The following DDX5 variants were observed in gnomAD, a reference collection of about 807,000 sequenced individuals.
DDX5 encodes probable ATP-dependent RNA helicase DDX5.
In DDX5, 6 loss-of-function variants were observed where a neutral mutation model predicts 68.6. That is an observed-to-expected ratio of 0.09 (90% CI 0.05 to 0.17). The LOEUF (loss-of-function observed/expected upper bound fraction) is 0.17. Ranked by LOEUF, DDX5 falls within the 10% of genes least tolerant of loss-of-function variation. The pLI, the probability that DDX5 is intolerant of heterozygous loss-of-function variation, is 1.00. For missense variants in DDX5, 499 were observed against 756.1 expected (o/e 0.66, Z 3.99); for synonymous variants, 350 against 247.0 (o/e 1.42, Z -3.91).
At position 64,506,269 on chromosome 17, in the gene DDX5, A is replaced by T; in HGVS notation, c.-150T>A. The T allele has an allele frequency of 3.3e-6, 5 of 1,538,380 alleles. No homozygotes were observed. The highest frequency in any genetic ancestry group is 4.4e-6 in the Non-Finnish European group (5 of 1,142,338). Reference sequence around the variant, plus strand: ...ACCAGCCGAAGCTGCACTACTAGAGACCGGTAGAAATGAATGAGGTGCCGG... The same window carrying T: ...ACCAGCCGAAGCTGCACTACTAGAGTCCGGTAGAAATGAATGAGGTGCCGG... On this transcript the variant is annotated 5_prime_UTR_variant, in exon 1 of 13. Transcript: ENST00000225792.
At chr17:64,506,307 A>C (rs2038520071), upstream of DDX5, 3 of 1,511,712 alleles carry the variant, frequency 2.0e-6, no homozygotes, top group Non-Finnish European at 1.8e-6. Context: ...GCTTTCCGGC[A>C]GCCGCTTTTA....
In DDX5 at chr17:64,503,842, G is replaced by T. The variant is rs782699557; in HGVS notation, c.468C>A (p.Ile156=). The T allele has an allele frequency of 4.0e-5, 64 of 1,614,226 alleles. No individual in the cohort carries two copies. Among genetic ancestry groups the T allele is most frequent in the Non-Finnish European group, 5.3e-5 (63 of 1,180,042 alleles). Residue 156 remains isoleucine, a synonymous_variant, in exon 5 of 13, where the codon ATC becomes ATA. Transcript: ENST00000225792. ...CTCTCTCTAGGAATGGCTGATGATT[G>T]ATGTGGACAATGGCAGGAAGCAAAT... ...LSYLLPAIVH[I]NHQPFLERGD... is the part of the protein sequence containing the mutation.
chr17:64,504,925 C>T, intron 1 of DDX5, 83 bp from the exon 2 acceptor site: 1 of 1,355,456 alleles, frequency 7.4e-7, no homozygotes, highest in Admixed American at 2.5e-5. Flanking sequence ...TTGGCACAAG[C>T]TAAAAACCAC....
chr17:64,503,137 TAAGAGTG>T, intron 7 of DDX5, 39 bp from the exon 8 acceptor site: 4 of 1,612,656 alleles, frequency 2.5e-6, no homozygotes, highest in Non-Finnish European at 2.5e-6. Context: ...ATCAGACTCT[TAAGAGTG>T]AAAACACAAT....
At chr17:64,505,099 G>A (rs2038409021) in intron 1 of DDX5, 2 of 372,362 alleles carry the variant, frequency 5.4e-6, no homozygotes, top group African/African-American at 2.1e-5. Flanking sequence ...TTATCATGTC[G>A]GAAACTTGTC....
At chr17:64,505,595 A>T (rs2038457485) in intron 1 of DDX5, 2 of 823,940 alleles carry the variant, frequency 2.4e-6, no homozygotes, top group South Asian at 1.5e-5. Flanking sequence ...CGCCGCCGCC[A>T]TGTCCGAGGC....
chr17:64,499,853 A>C lies in DDX5; in HGVS notation c.*70T>G. On this transcript the variant is annotated 3_prime_UTR_variant, in exon 13 of 13. Coordinates refer to ENST00000225792, the MANE Select transcript of DDX5 (RefSeq NM_004396.5). ...CAATTCCCATGTTTCTTAAATAACT[A>C]TCTTGTCAGATAACACACAATATAA... The C allele has an allele frequency of 7.2e-7, 1 of 1,391,786 alleles. No individual in the cohort carries two copies. The allele number at this position is 1,391,786 out of a possible 1,614,324, so 86.2% of individuals were successfully genotyped here.
intron 1 of DDX5, 67 bp from the exon 2 acceptor site, chr17:64,504,909 C>A: frequency 2.0e-6 from 3 of 1,476,888 alleles, no homozygotes; most frequent in South Asian, 2.7e-5. Flanking sequence ...ATAGATTTGT[C>A]ATCCATTGGC....
At position 64,505,956 on chromosome 17, in the gene DDX5, A is replaced by C. The variant is rs993876341; in HGVS notation, c.44+120T>G. ...AAATGGCGCAAGCCTTCGGGAAAGGAAGTCCCAAGATAGCCCGGAAAGGCC... is the reference window on the plus strand; with the variant it reads ...AAATGGCGCAAGCCTTCGGGAAAGGCAGTCCCAAGATAGCCCGGAAAGGCC... On this transcript the variant is annotated intron_variant, in intron 1 of 12. Coordinates refer to ENST00000225792, the MANE Select transcript of DDX5 (RefSeq NM_004396.5). The C allele has an allele frequency of 2.6e-6, 4 of 1,537,538 alleles. No homozygotes were observed. In the Admixed American group the frequency reaches 5.9e-5, roughly 23 times the overall value.
Position 64,503,841 on chromosome 17 carries a change from T to A in DDX5, c.469A>T (p.Asn157Tyr). ...CCTCTCTCTAGGAATGGCTGATGAT[T>A]GATGTGGACAATGGCAGGAAGCAAA... Reference protein sequence around the residue: ...SYLLPAIVHINHQPFLERGDG... With the variant: ...SYLLPAIVHIYHQPFLERGDG... The change falls in exon 5 of 13, where the codon AAT (asparagine) becomes TAT (tyrosine). Residue 157 changes from asparagine (N) to tyrosine (Y), a missense_variant. Asn to Tyr is a moderately radical substitution (Grantham distance 143, BLOSUM62 -2). Coordinates refer to ENST00000225792, the MANE Select transcript of DDX5 (RefSeq NM_004396.5). The A allele has an allele frequency of 6.2e-7, 1 of 1,614,224 alleles. No individual in the cohort carries two copies. The highest frequency in any genetic ancestry group is 8.5e-7 in the Non-Finnish European group (1 of 1,180,048).
upstream of DDX5, chr17:64,506,426 C>G (rs1224146967): frequency 2.5e-5 from 35 of 1,373,006 alleles, no homozygotes; most frequent in Non-Finnish European, 3.2e-5. Context: ...TCCAGGATCG[C>G]CGCGCTTTCA....
rs374537054 is a variant in DDX5 at position 64,504,168 on chromosome 17, G to T, written c.308-52C>A. 15 of 1,612,080 alleles carry T rather than the reference G, an allele frequency of 9.3e-6. No individual in the cohort carries two copies. The African/African-American group carries it at 1.2e-4, about 13-fold the overall frequency. On this transcript the variant is annotated intron_variant, in intron 3 of 12. Transcript: ENST00000225792. The stretch of plus-strand genomic sequence containing the variant: ...AAAATTAGTGATGCCAAGAAAAAGA[G>T]GGGGTAGGTGGAAACAAAAACACGG...
chr17:64,500,183 T>G lies in DDX5; in HGVS notation c.1585A>C (p.Lys529Gln). 6.2e-7 allele frequency: 1 copy of G among 1,614,226 alleles called. No individual in the cohort carries two copies. Among genetic ancestry groups the G allele is most frequent in the South Asian group, 1.1e-5 (1 of 91,080 alleles). Residue 529 changes from lysine (K) to glutamine (Q), a missense_variant, in exon 13 of 13, where the codon AAA becomes CAA. This residue lies in a region of DDX5 where 171 missense variants were observed against 174.8 expected (regional missense o/e 0.98). Coordinates refer to ENST00000225792, the MANE Select transcript of DDX5 (RefSeq NM_004396.5). ...GCACTGTAAACACCATTCTGAGTTT[T>G]TGCCCCAAAATCTCTTTTAAGCAGG... is the stretch of plus-strand genomic sequence containing the variant. The part of the protein sequence containing the change: ...SSLLKRDFGA[K>Q]TQNGVYSAAN...
intron 11 of DDX5, 159 bp from the exon 12 acceptor site, chr17:64,500,932 T>C (rs551216162): frequency 9.7e-6 from 6 of 617,776 alleles, no homozygotes; most frequent in Admixed American, 2.9e-5. Flanking sequence ...AGGAATACCA[T>C]TGAGGTTGAA....
chr17:64,500,515 G>C (rs552460503), intron 12 of DDX5, 34 bp downstream of exon 12: 2 of 1,587,228 alleles, frequency 1.3e-6, no homozygotes, highest in Non-Finnish European at 1.7e-6. Context: ...GATGTGACTC[G>C]TAACTACCAA....
Position 64,499,017 on chromosome 17 carries a change from A to G in DDX5, c.*906T>C, listed in dbSNP as rs2144240909. Among the ~76,000 whole-genome samples the G allele has an allele frequency of 6.6e-6, 1 of 152,328 alleles. No individual in the cohort carries two copies. Among genetic ancestry groups the G allele is most frequent in the Middle Eastern group, 3.4e-3 (1 of 294 alleles). On this transcript the variant is annotated 3_prime_UTR_variant, in exon 13 of 13. Transcript: ENST00000225792. Reference sequence around the variant, plus strand: ...GACATTCATGACTCCCAGTGTGACTAGTTAAGAGCCCCAGGGAGCCTGTGA... The same window carrying G: ...GACATTCATGACTCCCAGTGTGACTGGTTAAGAGCCCCAGGGAGCCTGTGA...
intron 1 of DDX5, chr17:64,505,578 A>T: frequency 5.5e-6 from 4 of 728,326 alleles, no homozygotes; most frequent in Non-Finnish European, 9.3e-6. Flanking sequence ...GGGCGGGGTA[A>T]CAAAGGCGCC....
chr17:64,501,900 G>A, intron 11 of DDX5, 110 bp downstream of exon 11: 1 of 1,173,442 alleles, frequency 8.5e-7, no homozygotes, highest in Non-Finnish European at 1.3e-6. Context: ...ACCTTTATGT[G>A]AAAAAAAACT....
chr17:64,506,376 G>T (rs55965198), upstream of DDX5: 4,000 of 1,413,912 alleles, frequency 2.8e-3, 87 homozygotes, highest in African/African-American at 0.051. Context: ...TGACCTAATC[G>T]CCCCGCCCCT....
Sources: allele counts gnomAD v4.1 joint callset (sites outside exome capture counted in the v4.1 genomes callset), GRCh38; gene constraint gnomAD v4.1.1; regional missense constraint gnomAD v4.1.1; transcripts MANE v1.5; gene names NCBI Gene and HGNC (gene_info 2026-07-23, HGNC 2026-07-21).